PPP2R5E: variants seen among roughly 807,000 people sequenced by gnomAD.
PPP2R5E encodes the protein serine/threonine-protein phosphatase 2A 56 kDa regulatory subunit epsilon isoform.
Under a neutral mutation model 65.3 loss-of-function variants are expected in PPP2R5E, and 4 were observed. The observed-to-expected ratio is 0.06, with a 90% CI of 0.03 to 0.14. PPP2R5E has a LOEUF of 0.14. PPP2R5E is among the 10% of genes least tolerant of loss of function. The probability of loss-of-function intolerance (pLI) is 1.00; values close to 1 mark genes in which losing one functional copy is unlikely to be tolerated. For missense variants in PPP2R5E, 274 were observed against 556.1 expected, an observed-to-expected ratio of 0.49 and a Z score of 5.10; for synonymous variants, 183 against 187.4, an observed-to-expected ratio of 0.98 and a Z score of 0.19.
rs149442107 is a variant in PPP2R5E, at chr14:63,427,592, T to C, written c.355-5498A>G. 5.1e-3 allele frequency among the ~76,000 whole-genome samples: 773 copies of C among 151,740 alleles called. 5 individuals carry two copies. Among genetic ancestry groups the C allele is most frequent in the African/African-American group, 0.018 (741 of 41,332 alleles). On this transcript the variant is annotated intron_variant, in intron 3 of 13. Transcript: ENST00000337537. ...GCCAGGAGTTTAAGACCAGCCCTGG[T>C]GACATAGCAAGACCCCCATCTCTCT... is the stretch of plus-strand genomic sequence containing the variant.
At chr14:63,449,872 A>ATTTTTTTTT (rs35931655) in intron 3 of PPP2R5E, among the ~76,000 whole-genome samples, 1 of 105,410 alleles carries the variant, frequency 9.5e-6, no homozygotes, top group Non-Finnish European at 1.9e-5. Flanking sequence ...TTCTTTTCCT[A>ATTTTTTTTT]TTTTTTTTTT....
At chr14:63,409,051 G>C (rs973385800) in intron 5 of PPP2R5E, among the ~76,000 whole-genome samples, 3 of 152,112 alleles carry the variant, frequency 2.0e-5, no homozygotes, top group Non-Finnish European at 1.5e-5. Context: ...GACCAACATG[G>C]AGAAACCCCG....
At chr14:63,481,366 T>C (rs987279778) in intron 2 of PPP2R5E, among the ~76,000 whole-genome samples, 1 of 151,784 alleles carries the variant, frequency 6.6e-6, no homozygotes, top group Non-Finnish European at 1.5e-5. Flanking sequence ...CGTGGTAGCG[T>C]GCACCTGTAA....
intron 1 of PPP2R5E, among the ~76,000 whole-genome samples, chr14:63,540,430 C>CAA (rs202037803): frequency 8.0e-5 from 6 of 74,628 alleles, no homozygotes; most frequent in South Asian, 4.8e-4. Flanking sequence ...GAGTCCATCT[C>CAA]AAAAAAAAAA....
chr14:63,523,920 CTAG>C (rs746171928), intron 2 of PPP2R5E, among the ~76,000 whole-genome samples: 2 of 152,148 alleles, frequency 1.3e-5, no homozygotes, highest in Non-Finnish European at 2.9e-5. Flanking sequence ...TCCTACACTG[CTAG>C]TAGAAGACAG....
rs1883891303 is a variant in PPP2R5E at position 63,374,684 on chromosome 14, ATTTTG to A, written c.*1320_*1324del. On this transcript the variant is annotated 3_prime_UTR_variant, in exon 14 of 14. Coordinates refer to ENST00000337537, the MANE Select transcript of PPP2R5E (RefSeq NM_006246.5). ...ATATATATATAAAATACAGCCCTAG[ATTTTG>A]TTTTTTTTGTTTTTTTTTCTTAAAC... 4.1e-5 allele frequency: 5 copies of A among 122,526 alleles called. No homozygotes were observed. Among genetic ancestry groups the A allele is most frequent in the Non-Finnish European group, 7.7e-5 (5 of 64,834 alleles). The allele number at this position is 122,526 out of a possible 1,614,324, so 7.6% of individuals were successfully genotyped here. A position where few individuals can be genotyped will look rare whatever the true frequency, so the allele number is the denominator to read the frequency against.
chr14:63,502,085 C>T (rs1313213709), intron 2 of PPP2R5E, among the ~76,000 whole-genome samples: 1 of 151,976 alleles, frequency 6.6e-6, no homozygotes, highest in Non-Finnish European at 1.5e-5. Context: ...AGTTGAGATG[C>T]GGTTTCACCA....
intron 3 of PPP2R5E, 147 bp from the exon 4 acceptor site, chr14:63,422,241 T>C (rs1365159421): frequency 1.2e-5 from 8 of 659,626 alleles, no homozygotes; most frequent in Non-Finnish European, 2.1e-5. Flanking sequence ...CTATAGGCTC[T>C]GAGGTGGGGA....
intron 3 of PPP2R5E, among the ~76,000 whole-genome samples, chr14:63,432,852 A>C (rs1887748027): frequency 6.6e-6 from 1 of 152,146 alleles, no homozygotes; most frequent in African/African-American, 2.4e-5. Flanking sequence ...AAGGATAAGC[A>C]GTCATAACCA....
At chr14:63,451,666 A>G (rs1888833958) in intron 3 of PPP2R5E, 1 of 152,234 alleles carries the variant, frequency 6.6e-6, no homozygotes, top group Non-Finnish European at 1.5e-5. Flanking sequence ...GTCTAAACTC[A>G]GAATGTCCAA....
chr14:63,510,052 T>C (rs1892385613), intron 2 of PPP2R5E, among the ~76,000 whole-genome samples: 2 of 152,172 alleles, frequency 1.3e-5, no homozygotes, highest in African/African-American at 2.4e-5. Flanking sequence ...AAGCATACAA[T>C]GATTATATAT....
intron 3 of PPP2R5E, among the ~76,000 whole-genome samples, chr14:63,433,619 C>T (rs1419609724): frequency 6.6e-6 from 1 of 151,924 alleles, no homozygotes; most frequent in Non-Finnish European, 1.5e-5. Flanking sequence ...GCGCGCTGCT[C>T]TCAGCTGTGC....
chr14:63,453,553 A>T, intron 3 of PPP2R5E, 136 bp downstream of exon 3: 1 of 742,848 alleles, frequency 1.3e-6, no homozygotes, highest in Non-Finnish European at 2.1e-6. Flanking sequence ...TGTGCCGACT[A>T]CATTTGCTTA....
Position 63,477,581 on chromosome 14 carries a change from G to GA in PPP2R5E, c.158-23697dup, listed in dbSNP as rs34849978. 9.3e-4 allele frequency among the ~76,000 whole-genome samples: 140 copies of GA among 150,210 alleles called. 1 individual carries two copies. The highest frequency in any genetic ancestry group is 3.3e-3 in the African/African-American group (134 of 40,994). ...GGAAGGAGAGGAGAAGAGGGAATAA[G>GA]AAAAAAAAGGGAAAAACAAATTAGA... On this transcript the variant is annotated intron_variant, in intron 2 of 13. Transcript: ENST00000337537.
intron 2 of PPP2R5E, among the ~76,000 whole-genome samples, chr14:63,535,008 C>A (rs1232458792): frequency 6.6e-6 from 1 of 152,104 alleles, no homozygotes; most frequent in East Asian, 1.9e-4. Flanking sequence ...AAAGTTCATC[C>A]TATAATTTCC....
rs1046057143 is a variant in PPP2R5E at position 63,419,408 on chromosome 14, T to C, written c.456+2585A>G. Among the ~76,000 whole-genome samples the C allele has an allele frequency of 5.9e-5, 9 of 152,260 alleles. No homozygotes were observed. The East Asian group carries it at 1.7e-3, about 29-fold the overall frequency. On this transcript the variant is annotated intron_variant, in intron 4 of 13. Transcript: ENST00000337537. ...GTGTTTTGGTCAGAAAAATAGACAGTTGGATCAACTAAAAAGTAAAATGTT... is the reference window on the plus strand; with the variant it reads ...GTGTTTTGGTCAGAAAAATAGACAGCTGGATCAACTAAAAAGTAAAATGTT...
chr14:63,513,405 A>C (rs1892540312), intron 2 of PPP2R5E, among the ~76,000 whole-genome samples: 1 of 152,196 alleles, frequency 6.6e-6, no homozygotes, highest in South Asian at 2.1e-4. Context: ...AATACTGTAC[A>C]ATCTTTCAAA....
At chr14:63,490,107 G>C (rs1309686045) in intron 2 of PPP2R5E, among the ~76,000 whole-genome samples, 1 of 152,002 alleles carries the variant, frequency 6.6e-6, no homozygotes, top group Admixed American at 6.6e-5. Flanking sequence ...AGAAGAACTA[G>C]GCCGAATAAA....
chr14:63,440,681 G>A (rs1222437653), intron 3 of PPP2R5E, among the ~76,000 whole-genome samples: 1 of 151,414 alleles, frequency 6.6e-6, no homozygotes, highest in Non-Finnish European at 1.5e-5. Context: ...GCTCACGCCC[G>A]TAATCCCAGC....
Sources: allele counts gnomAD v4.1 joint callset (sites outside exome capture counted in the v4.1 genomes callset), GRCh38; gene constraint gnomAD v4.1.1; transcripts MANE v1.5; gene names NCBI Gene and HGNC (gene_info 2026-07-23, HGNC 2026-07-21).